GLIS1: variants seen among roughly 807,000 people sequenced by gnomAD.
The protein encoded by GLIS1 is zinc finger protein GLIS1.
In GLIS1, 24 loss-of-function variants were observed where a neutral mutation model predicts 63.8. The observed-to-expected ratio is 0.38, with a 90% confidence interval of 0.27 to 0.53. The LOEUF is 0.53. Ranked by LOEUF, GLIS1 falls within the 20% of genes least tolerant of loss-of-function variation. The pLI is 0.85. For synonymous variants in GLIS1, 450 were observed against 482.5 expected (o/e 0.93, Z 0.88); for missense variants, 1,036 against 1,074.1 (o/e 0.96, Z 0.50).
intron 4 of GLIS1, among the ~76,000 whole-genome samples, chr1:53,585,406 G>C (rs1014863379): frequency 6.6e-6 from 1 of 152,010 alleles, no homozygotes; most frequent in South Asian, 2.1e-4. Context: ...GTTAAGGGCA[G>C]AGTAAGGGAT....
At chr1:53,664,922 G>A (rs1646072171) in intron 2 of GLIS1, among the ~76,000 whole-genome samples, 1 of 152,180 alleles carries the variant, frequency 6.6e-6, no homozygotes, top group Admixed American at 6.5e-5. Context: ...GGTGTGTGAG[G>A]GTGAGCAAGG....
intron 2 of GLIS1, among the ~76,000 whole-genome samples, chr1:53,719,101 G>A (rs956615688): frequency 1.3e-5 from 2 of 152,218 alleles, no homozygotes; most frequent in African/African-American, 4.8e-5. Flanking sequence ...GGATCAGTTT[G>A]AAAACGACCA....
At chr1:53,540,275 G>C (rs1176411480) in intron 4 of GLIS1, among the ~76,000 whole-genome samples, 3 of 152,208 alleles carry the variant, frequency 2.0e-5, no homozygotes, top group African/African-American at 7.2e-5. Context: ...AGGTGGTGCA[G>C]TGCCTCACCA....
chr1:53,734,726 G>A (rs748015821), intron 2 of GLIS1, among the ~76,000 whole-genome samples: 6 of 152,242 alleles, frequency 3.9e-5, no homozygotes, highest in Non-Finnish European at 8.8e-5. Context: ...ACACTGTAAA[G>A]CACCGTGCAC....
At chr1:53,519,579 G>A (rs948712341) in intron 7 of GLIS1, among the ~76,000 whole-genome samples, 4 of 152,190 alleles carry the variant, frequency 2.6e-5, no homozygotes, top group African/African-American at 9.7e-5. Flanking sequence ...CAAAGGCCAC[G>A]CTGCCCTTAT....
At chr1:53,736,934 C>T (rs935823228) in intron 2 of GLIS1, among the ~76,000 whole-genome samples, 1 of 151,630 alleles carries the variant, frequency 6.6e-6, no homozygotes, top group Admixed American at 6.6e-5. Flanking sequence ...CCAAGAGGTT[C>T]CAAATGCAGA....
chr1:53,575,954 C>T (rs564231117), intron 4 of GLIS1, among the ~76,000 whole-genome samples: 2 of 152,234 alleles, frequency 1.3e-5, no homozygotes, highest in South Asian at 2.1e-4. Context: ...TCTTGTGTGT[C>T]CCCAGGGAAA....
chr1:53,719,131 C>T (rs559369788), intron 2 of GLIS1, among the ~76,000 whole-genome samples: 177 of 152,384 alleles, frequency 1.2e-3, no homozygotes, highest in African/African-American at 4.1e-3. Flanking sequence ...TCCTTGAACA[C>T]TGCCTCTGCC....
chr1:53,725,202 C>T (rs1646793581), intron 2 of GLIS1, among the ~76,000 whole-genome samples: 1 of 152,140 alleles, frequency 6.6e-6, no homozygotes, highest in Admixed American at 6.5e-5. Context: ...GCTTAAGCCA[C>T]CAGAATCGGC....
chr1:53,701,959 C>A (rs1557530216), intron 2 of GLIS1, among the ~76,000 whole-genome samples: 1 of 144,430 alleles, frequency 6.9e-6, no homozygotes, highest in Non-Finnish European at 1.5e-5. Flanking sequence ...TACCACTGCA[C>A]TCTAGCCTGG....
rs538938198 is a variant in GLIS1 at position 53,539,997 on chromosome 1, G to A, written c.1321-10045C>T. On this transcript the variant is annotated intron_variant, in intron 4 of 10. Transcript: ENST00000628545. The surrounding 1 kb of genome is among the most constrained non-coding windows in gnomAD (Gnocchi z 5.0). Reference sequence around the variant, plus strand: ...GGTGTCCTCTGCTCAAGGTGCCCCTGTTCACTGGCCAGTCCTCCTTGTCAC... The same window carrying A: ...GGTGTCCTCTGCTCAAGGTGCCCCTATTCACTGGCCAGTCCTCCTTGTCAC... 6.6e-6 allele frequency among the ~76,000 whole-genome samples: 1 copy of A among 152,296 alleles called. No individual in the cohort carries two copies. The highest frequency in any genetic ancestry group is 2.1e-4 in the South Asian group (1 of 4,822).
chr1:53,632,398 T>TGAA, intron 2 of GLIS1, among the ~76,000 whole-genome samples: 2 of 121,396 alleles, frequency 1.6e-5, no homozygotes, highest in South Asian at 2.8e-4. Context: ...TGAGGGGTGT[T>TGAA]TGAGTGTGAC....
At chr1:53,570,237 C>G (rs1478275892) in intron 4 of GLIS1, among the ~76,000 whole-genome samples, 1 of 151,968 alleles carries the variant, frequency 6.6e-6, no homozygotes, top group Non-Finnish European at 1.5e-5. Context: ...CTACCTCAGC[C>G]TCCCAAGTCA....
At chr1:53,734,023 C>T (rs971916290) in intron 2 of GLIS1, 5 of 985,052 alleles carry the variant, frequency 5.1e-6, no homozygotes, top group East Asian at 1.1e-4. Flanking sequence ...TACTGTCCAC[C>T]GCCCCCACTC....
intron 5 of GLIS1, 27 bp downstream of exon 5, chr1:53,529,764 C>T (rs375423907): frequency 6.2e-7 from 1 of 1,604,070 alleles, no homozygotes; most frequent in East Asian, 2.2e-5. Context: ...CTCCACCCCG[C>T]CCTGGGCCTC....
At chr1:53,730,378 A>G (rs935372599) in intron 2 of GLIS1, among the ~76,000 whole-genome samples, 1 of 152,162 alleles carries the variant, frequency 6.6e-6, no homozygotes, top group Non-Finnish European at 1.5e-5. Context: ...TAAATACCCA[A>G]CCCTCTGAGA....
At chr1:53,708,717 TG>T (rs1229913364) in intron 2 of GLIS1, among the ~76,000 whole-genome samples, 1 of 152,128 alleles carries the variant, frequency 6.6e-6, no homozygotes, top group Non-Finnish European at 1.5e-5. Context: ...GGCTGACCTC[TG>T]GCTTCTCCTC....
chr1:53,601,297 T>C (rs893318548), intron 2 of GLIS1, among the ~76,000 whole-genome samples: 2 of 152,192 alleles, frequency 1.3e-5, no homozygotes, highest in African/African-American at 4.8e-5. Context: ...ACAAAGTCTC[T>C]AGCACGGTGC....
intron 2 of GLIS1, among the ~76,000 whole-genome samples, chr1:53,681,937 C>G (rs1283748242): frequency 1.3e-5 from 2 of 152,196 alleles, no homozygotes; most frequent in South Asian, 2.1e-4. Context: ...CTTCCCCTCC[C>G]TTCCTGCTAC....
Sources: gnomAD v4.1 joint callset for allele counts (sites outside exome capture counted in the v4.1 genomes callset) on GRCh38, gnomAD v4.1.1 for gene constraint, Gnocchi (gnomAD v3.1) non-coding constraint, MANE v1.5 for transcripts, NCBI Gene and HGNC (gene_info 2026-07-23, HGNC 2026-07-21) for gene names.